Variants in UBE3B observed in about 807,000 individuals in gnomAD.
UBE3B encodes ubiquitin protein ligase E3B.
UBE3B carries 80 observed loss-of-function variants against 132.3 expected under a neutral mutation model. That is an observed-to-expected ratio of 0.60 (90% confidence interval 0.50 to 0.73). UBE3B has a LOEUF of 0.73. Among genes scored for constraint, UBE3B ranks in the 30% least tolerant of loss-of-function variants. The pLI is 0.00. For missense variants in UBE3B, 1,196 were observed against 1,362.5 expected, an observed-to-expected ratio of 0.88 and a Z score of 1.92; for synonymous variants, 487 against 520.4, an observed-to-expected ratio of 0.94 and a Z score of 0.87.
At position 109,535,466 on chromosome 12, in the gene UBE3B, A is replaced by C. The variant is rs1340516660; in HGVS notation, c.*684A>C. On this transcript the variant is annotated 3_prime_UTR_variant, in exon 28 of 28. Coordinates refer to ENST00000342494, the MANE Select transcript of UBE3B (RefSeq NM_130466.4). The stretch of plus-strand genomic sequence containing the variant: ...TCCTCAGCGGGCTGAGCTGCCAGAG[A>C]GTCTTCCCGGACCTATTCCCGTCCT... The C allele has an allele frequency of 1.3e-5, 2 of 152,344 alleles. No individual in the cohort carries two copies. Among genetic ancestry groups the C allele is most frequent in the Non-Finnish European group, 2.9e-5 (2 of 68,156 alleles). 9.4% of individuals were successfully genotyped at this position (152,344 alleles called of 1,614,324 possible).
intron 9 of UBE3B, among the ~76,000 whole-genome samples, chr12:109,494,419 C>G (rs1877909986): frequency 6.6e-6 from 1 of 152,190 alleles, no homozygotes; most frequent in African/African-American, 2.4e-5. Flanking sequence ...TGCCCAGGCA[C>G]TTAGTCATGT....
intron 21 of UBE3B, 62 bp from the exon 22 acceptor site, chr12:109,523,916 C>T (rs1264488532): frequency 5.0e-6 from 8 of 1,602,810 alleles, no homozygotes; most frequent in Non-Finnish European, 6.8e-6. Context: ...CTGAGCCACC[C>T]CAATCCAAAC....
At chr12:109,500,546 G>T (rs918611693) in intron 12 of UBE3B, among the ~76,000 whole-genome samples, 4 of 152,168 alleles carry the variant, frequency 2.6e-5, no homozygotes, top group Admixed American at 6.5e-5. Flanking sequence ...AAGACTCATT[G>T]CTAGGGAACA....
Position 109,517,370 on chromosome 12 carries a change from A to T in UBE3B, c.2076+486A>T, listed in dbSNP as rs375781261. ...TTCTTTGTAGACAGAAACTTACAAGATACCACTGAAGTGACCCACCTGAGC... is the reference window on the plus strand; with the variant it reads ...TTCTTTGTAGACAGAAACTTACAAGTTACCACTGAAGTGACCCACCTGAGC... On this transcript the variant is annotated intron_variant, in intron 19 of 27. Transcript: ENST00000342494. 2.6e-5 allele frequency among the ~76,000 whole-genome samples: 4 copies of T among 152,350 alleles called. No homozygotes were observed. In the South Asian group the frequency reaches 6.2e-4, roughly 24 times the overall value.
At chr12:109,532,824 AGT>A (rs1299490284) in intron 26 of UBE3B, among the ~76,000 whole-genome samples, 2 of 152,248 alleles carry the variant, frequency 1.3e-5, no homozygotes, top group East Asian at 3.9e-4. Context: ...CATTTTTGTC[AGT>A]GTGCTGAGAG....
At chr12:109,500,851 A>T (rs931328071) in intron 12 of UBE3B, among the ~76,000 whole-genome samples, 1 of 152,232 alleles carries the variant, frequency 6.6e-6, no homozygotes, top group Admixed American at 6.5e-5. Context: ...GGTGGCGGCT[A>T]TTAACAATAT....
chr12:109,532,167 C>A (rs1371551422), intron 26 of UBE3B, among the ~76,000 whole-genome samples: 3 of 152,186 alleles, frequency 2.0e-5, no homozygotes, highest in Non-Finnish European at 4.4e-5. Flanking sequence ...CCTGAGCCGG[C>A]CTAAATTGGG....
chr12:109,483,831 A>G, intron 3 of UBE3B, 30 bp from the exon 4 acceptor site: 1 of 1,599,536 alleles, frequency 6.3e-7, no homozygotes, highest in Non-Finnish European at 8.5e-7. Flanking sequence ...TGTTAATTTA[A>G]AATGTCTTTT....
chr12:109,503,238 A>G (rs371503476), intron 14 of UBE3B, 48 bp downstream of exon 14: 9 of 1,586,920 alleles, frequency 5.7e-6, no homozygotes, highest in African/African-American at 2.7e-5. Flanking sequence ...TTTGGCAGAC[A>G]GTTTGTCTTA....
At chr12:109,508,700 T>C in intron 15 of UBE3B, 1 of 985,542 alleles carries the variant, frequency 1.0e-6, no homozygotes. Context: ...GGTGAAGACA[T>C]CCTTAATCAC....
At chr12:109,489,796 G>T in intron 7 of UBE3B, 123 bp from the exon 8 acceptor site, 1 of 862,118 alleles carries the variant, frequency 1.2e-6, no homozygotes, top group East Asian at 2.4e-5. Context: ...AGGGAAAAGG[G>T]AGGCAAGCCA....
chr12:109,507,642 T>A lies in UBE3B; in HGVS notation c.1529T>A (p.Leu510His). The change falls in exon 15 of 28, where the codon CTC (leucine) becomes CAC (histidine). Residue 510 changes from leucine to histidine, a missense_variant. Transcript: ENST00000342494. ...CELGPHGGLK[L>H]FLECLNNDTE... ...CTCGGGCCCCACGGAGGGTTAAAGC[T>A]CTTCTTGGAATGCCTGAACAATGAC... The A allele has an allele frequency of 1.9e-6, 3 of 1,614,170 alleles. No homozygotes were observed. The highest frequency in any genetic ancestry group is 2.5e-6 in the Non-Finnish European group (3 of 1,180,030).
At chr12:109,519,352 T>C (rs561343015) in intron 19 of UBE3B, among the ~76,000 whole-genome samples, 1 of 152,296 alleles carries the variant, frequency 6.6e-6, no homozygotes, top group Non-Finnish European at 1.5e-5. Flanking sequence ...TCCTCGCATA[T>C]CCACGCCAGT....
intron 4 of UBE3B, among the ~76,000 whole-genome samples, chr12:109,485,287 C>G (rs1162476775): frequency 6.6e-6 from 1 of 152,224 alleles, no homozygotes; most frequent in Admixed American, 6.5e-5. Flanking sequence ...TTGTGCCAAC[C>G]CTCTCTAGGC....
chr12:109,486,354 A>G, intron 5 of UBE3B, 117 bp from the exon 6 acceptor site: 1 of 841,930 alleles, frequency 1.2e-6, no homozygotes, highest in Non-Finnish European at 1.9e-6. Context: ...TTGTCCATTC[A>G]GGTCCACTGC....
intron 27 of UBE3B, 43 bp downstream of exon 27, chr12:109,533,601 TTGG>T: frequency 7.8e-6 from 12 of 1,538,644 alleles, no homozygotes; most frequent in Non-Finnish European, 1.1e-5. Context: ...GACTTCCCTC[TTGG>T]TGGTTGTCTG....
At chr12:109,528,884 CGTGGT>C (rs1882659551) in intron 24 of UBE3B, among the ~76,000 whole-genome samples, 2 of 147,270 alleles carry the variant, frequency 1.4e-5, no homozygotes, top group Non-Finnish European at 3.0e-5. Flanking sequence ...AAAGGCCAGG[CGTGGT>C]GGCTCACATC....
the UBE3B span, among the ~76,000 whole-genome samples, chr12:109,543,546 A>G: frequency 6.6e-6 from 1 of 152,228 alleles, no homozygotes; most frequent in African/African-American, 2.4e-5. Flanking sequence ...CACTTTAAGA[A>G]GGATGCAGGA....
chr12:109,481,879 A>G (rs1374431219), intron 2 of UBE3B, 137 bp downstream of exon 2: 2 of 152,170 alleles, frequency 1.3e-5, no homozygotes, highest in African/African-American at 4.8e-5. Context: ...GTTGAAACCC[A>G]CAATTACTTT....
Sources: allele counts gnomAD v4.1 joint callset (sites outside exome capture counted in the v4.1 genomes callset), GRCh38; gene constraint gnomAD v4.1.1; transcripts MANE v1.5; gene names NCBI Gene and HGNC (gene_info 2026-07-23, HGNC 2026-07-21).